Variants in MIB1 observed in about 807,000 individuals in gnomAD.
MIB1 encodes the protein MIB E3 ubiquitin protein ligase 1.
In MIB1, 278 loss-of-function variants were observed where a neutral mutation model predicts 124.5. The observed-to-expected ratio is 2.23, with a 90% CI of 2.02 to 2.47. MIB1 has a LOEUF of 2.47. MIB1 is among the 30% of genes most tolerant of loss of function. MIB1 has a pLI of 0.00. For synonymous variants in MIB1, 446 were observed against 429.4 expected (o/e 1.04, Z -0.48); for missense variants, 957 against 1,254.4 (o/e 0.76, Z 3.58).
chr18:21,745,251 G>T (rs866612434), intron 1 of MIB1, among the ~76,000 whole-genome samples: 8 of 152,316 alleles, frequency 5.3e-5, no homozygotes, highest in Non-Finnish European at 1.2e-4. Flanking sequence ...GTTAAAGTGC[G>T]GAACAAAACT....
At chr18:21,778,451 A>G (rs2061221766) in intron 5 of MIB1, among the ~76,000 whole-genome samples, 1 of 152,204 alleles carries the variant, frequency 6.6e-6, no homozygotes, top group Non-Finnish European at 1.5e-5. Flanking sequence ...ATTTTGCATT[A>G]GATTACAACA....
chr18:21,819,936 A>G (rs1445271610), intron 12 of MIB1, among the ~76,000 whole-genome samples: 1 of 152,178 alleles, frequency 6.6e-6, no homozygotes, highest in African/African-American at 2.4e-5. Context: ...TTTGAGATTT[A>G]TGTTTCTTCA....
chr18:21,783,122 T>A (rs1383849391), intron 6 of MIB1, among the ~76,000 whole-genome samples: 1 of 152,186 alleles, frequency 6.6e-6, no homozygotes, highest in African/African-American at 2.4e-5. Flanking sequence ...GTGTGCAATA[T>A]CTTTTTCCAT....
intron 17 of MIB1, among the ~76,000 whole-genome samples, chr18:21,850,992 TA>T (rs1477682495): frequency 6.6e-6 from 1 of 152,190 alleles, no homozygotes; most frequent in African/African-American, 2.4e-5. Flanking sequence ...ATATAATAAT[TA>T]CCTGCTAAAA....
At chr18:21,802,565 A>G (rs1421344164) in intron 9 of MIB1, among the ~76,000 whole-genome samples, 2 of 152,150 alleles carry the variant, frequency 1.3e-5, no homozygotes, top group Non-Finnish European at 2.9e-5. Flanking sequence ...GTCTTTCCTT[A>G]CTGAACATAC....
intron 1 of MIB1, among the ~76,000 whole-genome samples, chr18:21,707,387 G>C (rs1161048032): frequency 2.0e-5 from 3 of 152,184 alleles, no homozygotes; most frequent in Non-Finnish European, 2.9e-5. Flanking sequence ...GCAGGATGTG[G>C]GTGGGGCCGA....
chr18:21,767,780 C>T (rs576612759), intron 2 of MIB1, among the ~76,000 whole-genome samples: 4 of 152,256 alleles, frequency 2.6e-5, no homozygotes, highest in Non-Finnish European at 4.4e-5. Flanking sequence ...ATCTCCTGAC[C>T]TCGTGATCCA....
intron 1 of MIB1, among the ~76,000 whole-genome samples, chr18:21,729,633 G>A (rs2040758933): frequency 6.6e-6 from 1 of 152,064 alleles, no homozygotes; most frequent in South Asian, 2.1e-4. Flanking sequence ...GGGATTACAG[G>A]CACCCACAAC....
At chr18:21,727,127 T>C (rs1280112239) in intron 1 of MIB1, among the ~76,000 whole-genome samples, 1 of 152,176 alleles carries the variant, frequency 6.6e-6, no homozygotes, top group Non-Finnish European at 1.5e-5. Context: ...TTATTTTTTT[T>C]GAGACAGAGT....
At chr18:21,805,870 C>A (rs1416961596) in intron 10 of MIB1, among the ~76,000 whole-genome samples, 1 of 141,736 alleles carries the variant, frequency 7.1e-6, no homozygotes, top group African/African-American at 2.6e-5. Flanking sequence ...GAAATTGGCA[C>A]TGTTTTTCAA....
Position 21,791,392 on chromosome 18 carries a change from T to C in MIB1, c.927T>C (p.Ala309=). 6.2e-7 allele frequency: 1 copy of C among 1,612,414 alleles called. No individual in the cohort carries two copies. The highest frequency in any genetic ancestry group is 8.5e-7 in the Non-Finnish European group (1 of 1,179,194). The stretch of plus-strand genomic sequence containing the variant: ...CTTGTAGGTGGACCTTCAATCCTGC[T>C]GTTCTCACTAAAGCGAACATTGTCC... ...PSGNRWTFNP[A]VLTKANIVRS... is the part of the protein sequence containing the mutation. Residue 309 remains alanine, a synonymous_variant, in exon 7 of 21, where the codon GCT becomes GCC. Transcript: ENST00000261537.
chr18:21,815,614 A>G lies in MIB1; in HGVS notation c.1480-2A>G. 1.2e-6 allele frequency: 2 copies of G among 1,612,080 alleles called. No individual in the cohort carries two copies. Among genetic ancestry groups the G allele is most frequent in the East Asian group, 2.2e-5 (1 of 44,860 alleles). On this transcript the variant is annotated splice_acceptor_variant, in intron 10 of 20. Coordinates refer to ENST00000261537, the MANE Select transcript of MIB1 (RefSeq NM_020774.4). LOFTEE classifies it high-confidence loss of function. ...AATTCACATTTCAATACTAATGATTAGGATAAAGATGGTGATAGAGCAGTT... is the reference window on the plus strand; with the variant it reads ...AATTCACATTTCAATACTAATGATTGGGATAAAGATGGTGATAGAGCAGTT...
chr18:21,721,955 A>G (rs566282414), intron 1 of MIB1, among the ~76,000 whole-genome samples: 2 of 152,292 alleles, frequency 1.3e-5, no homozygotes, highest in Admixed American at 6.5e-5. Flanking sequence ...CTAGTTTTCT[A>G]TTAATGTTCT....
chr18:21,825,739 T>C (rs920889255), intron 12 of MIB1: 1 of 531,638 alleles, frequency 1.9e-6, no homozygotes, highest in Middle Eastern at 3.4e-4. Context: ...CCAAATCCAT[T>C]GAAGAGGCGA....
intron 1 of MIB1, among the ~76,000 whole-genome samples, chr18:21,706,852 C>G (rs1057081758): frequency 6.6e-6 from 1 of 152,204 alleles, no homozygotes; most frequent in Non-Finnish European, 1.5e-5. Flanking sequence ...GAGCGCTGCC[C>G]CCTGCTCTGC....
At chr18:21,849,457 T>A in intron 17 of MIB1, 69 bp downstream of exon 17, 1 of 904,856 alleles carries the variant, frequency 1.1e-6, no homozygotes, top group Non-Finnish European at 1.6e-6. Context: ...ATAAATAAGA[T>A]TTAATGACAT....
chr18:21,815,537 T>C lies in MIB1; in HGVS notation c.1480-79T>C, dbSNP rs1011605024. ...TTGCCTTTTCTCAAATTAATCTGCT[T>C]CTTGGTATATTATTATAGCTTCAAG... On this transcript the variant is annotated intron_variant, in intron 10 of 20. Transcript: ENST00000261537. 1.0e-5 allele frequency: 13 copies of C among 1,252,696 alleles called. No individual in the cohort carries two copies. In the East Asian group the frequency reaches 2.9e-4, roughly 28 times the overall value. The allele number at this position is 1,252,696 out of a possible 1,614,324, so 77.6% of individuals were successfully genotyped here.
At chr18:21,803,492 G>A (rs68171388) in intron 9 of MIB1, among the ~76,000 whole-genome samples, 39,269 of 151,974 alleles carry the variant, frequency 0.26, 5,382 homozygotes, top group South Asian at 0.39. Context: ...TGGTATTTTT[G>A]TTGAATTGAA....
At chr18:21,797,378 C>T (rs1027001290) in intron 7 of MIB1, among the ~76,000 whole-genome samples, 1 of 151,972 alleles carries the variant, frequency 6.6e-6, no homozygotes, top group African/African-American at 2.4e-5. Flanking sequence ...AATGTAGCCT[C>T]ATAGAGTTTG....
Sources: allele counts gnomAD v4.1 joint callset (sites outside exome capture counted in the v4.1 genomes callset), GRCh38; gene constraint gnomAD v4.1.1; transcripts MANE v1.5; gene names NCBI Gene and HGNC (gene_info 2026-07-23, HGNC 2026-07-21).